The following DNAJA1 variants were observed in gnomAD, a reference collection of about 807,000 sequenced individuals.
The protein encoded by DNAJA1 is dnaJ homolog subfamily A member 1.
In DNAJA1, 26 loss-of-function variants were observed where a neutral mutation model predicts 47.6. The observed-to-expected ratio is 0.55, with a 90% CI of 0.40 to 0.76. DNAJA1 has a LOEUF of 0.76. Among genes scored for constraint, DNAJA1 ranks in the 30% least tolerant of loss-of-function variants. The probability of loss-of-function intolerance (pLI) is 0.00; values close to 1 mark genes in which losing one functional copy is unlikely to be tolerated. For synonymous variants in DNAJA1, 165 were observed against 158.4 expected, an observed-to-expected ratio of 1.04 and a Z score of -0.31; for missense variants, 315 against 485.0, an observed-to-expected ratio of 0.65 and a Z score of 3.29.
rs1839078092 is a variant in DNAJA1 at position 33,039,003 on chromosome 9, T to C, written c.*100T>C. ...TGCTCACTACTTGCTCTTGTTTTTGTTTTAATAAACTATAGTAGTGTTTTA... is the reference window on the plus strand; with the variant it reads ...TGCTCACTACTTGCTCTTGTTTTTGCTTTAATAAACTATAGTAGTGTTTTA... On this transcript the variant is annotated 3_prime_UTR_variant, in exon 9 of 9. Coordinates refer to ENST00000330899, the MANE Select transcript of DNAJA1 (RefSeq NM_001539.4). 1 of 1,181,214 alleles carries C rather than the reference T, an allele frequency of 8.5e-7. No individual in the cohort carries two copies. Among genetic ancestry groups the C allele is most frequent in the Non-Finnish European group, 1.2e-6 (1 of 836,190 alleles). The allele number at this position is 1,181,214 out of a possible 1,614,324, so 73.2% of individuals were successfully genotyped here.
chr9:33,037,985 A>AT (rs1391788711), intron 8 of DNAJA1, among the ~76,000 whole-genome samples: 1 of 149,846 alleles, frequency 6.7e-6, no homozygotes, highest in Non-Finnish European at 1.5e-5. Context: ...CACCATAAAA[A>AT]TATTAATTAA....
chr9:33,027,723 A>G (rs12351356), intron 3 of DNAJA1, among the ~76,000 whole-genome samples: 151,781 of 152,044 alleles, frequency 1, 75,759 homozygotes, highest in Middle Eastern at 1. Context: ...GGTGGTGGGC[A>G]TCTGCAATCC....
At chr9:33,030,010 G>A in intron 4 of DNAJA1, 21 bp downstream of exon 4, 1 of 1,600,104 alleles carries the variant, frequency 6.2e-7, no homozygotes, top group Non-Finnish European at 8.5e-7. Flanking sequence ...TTTTTGTTTT[G>A]TTTTGTTTTG....
At chr9:33,025,835 C>T (rs1838821488) in intron 1 of DNAJA1, among the ~76,000 whole-genome samples, 2 of 152,148 alleles carry the variant, frequency 1.3e-5, no homozygotes, top group East Asian at 1.9e-4. Flanking sequence ...TTGTTGAGGG[C>T]TGGGCTTTCC....
chr9:33,032,599 TA>T (rs1403861361), intron 5 of DNAJA1, among the ~76,000 whole-genome samples: 6 of 152,226 alleles, frequency 3.9e-5, no homozygotes, highest in Non-Finnish European at 8.8e-5. Flanking sequence ...ATGCCCTAAC[TA>T]TATAGCAAGT....
intron 8 of DNAJA1, 121 bp from the exon 9 acceptor site, chr9:33,038,564 G>A (rs1839069249): frequency 2.3e-6 from 2 of 856,456 alleles, no homozygotes; most frequent in Non-Finnish European, 1.8e-6. Flanking sequence ...TCTAACCTGA[G>A]ATTGGCAGAT....
At chr9:33,028,126 A>G (rs1487761402) in intron 3 of DNAJA1, among the ~76,000 whole-genome samples, 1 of 151,946 alleles carries the variant, frequency 6.6e-6, no homozygotes, top group Non-Finnish European at 1.5e-5. Context: ...TCCCCAAAGG[A>G]ATTTGATGGT....
rs752415921 is a variant in DNAJA1, at chr9:33,026,558, C to T, written c.74C>T (p.Ala25Val). ...PNATQEELKKAYRKLALKYHP... is the reference protein window; with the variant it reads ...PNATQEELKKVYRKLALKYHP... ...GCTACTCAGGAAGAATTGAAAAAGG[C>T]TTATAGGAAACTGGCTTTGAAGTAC... is the stretch of plus-strand genomic sequence containing the variant. Residue 25 changes from alanine (A) to valine (V), a missense_variant, in exon 2 of 9, where the codon GCT becomes GTT. This residue lies in a region of DNAJA1 where 100 missense variants were observed against 163.0 expected (regional missense o/e 0.61). Transcript: ENST00000330899. The T allele has an allele frequency of 6.2e-7, 1 of 1,611,756 alleles. No homozygotes were observed. The highest frequency in any genetic ancestry group is 1.7e-5 in the Admixed American group (1 of 59,412).
intron 7 of DNAJA1, 57 bp from the exon 8 acceptor site, chr9:33,036,958 C>A: frequency 6.8e-7 from 1 of 1,472,388 alleles, no homozygotes; most frequent in Non-Finnish European, 9.4e-7. Context: ...CTTTATATTC[C>A]CTGCCTCATA....
chr9:33,038,780 G>C lies in DNAJA1; in HGVS notation c.1071G>C (p.Glu357Asp), dbSNP rs776490065. The part of the protein sequence containing the change: ...PERKEVEETD[E>D]MDQVELVDFD... Reference sequence around the variant, plus strand: ...GGAAGGAAGTGGAAGAGACTGATGAGATGGACCAAGTAGAACTGGTGGACT... The same window carrying C: ...GGAAGGAAGTGGAAGAGACTGATGACATGGACCAAGTAGAACTGGTGGACT... The change falls in exon 9 of 9, where the codon GAG becomes GAC. Residue 357 changes from glutamate (E) to aspartate (D), a missense_variant. Glu to Asp is a conservative substitution (Grantham distance 45, BLOSUM62 2). Transcript: ENST00000330899. The C allele has an allele frequency of 2.5e-6, 4 of 1,614,122 alleles. No homozygotes were observed. Among genetic ancestry groups the C allele is most frequent in the Non-Finnish European group, 3.4e-6 (4 of 1,180,004 alleles).
intron 3 of DNAJA1, 130 bp downstream of exon 3, chr9:33,027,120 C>T: frequency 1.8e-6 from 2 of 1,113,628 alleles, no homozygotes; most frequent in South Asian, 1.5e-5. Context: ...CACAAATTGC[C>T]TCTGATTTAT....
At chr9:33,027,650 G>A (rs1310490480) in intron 3 of DNAJA1, among the ~76,000 whole-genome samples, 2 of 151,852 alleles carry the variant, frequency 1.3e-5, no homozygotes, top group South Asian at 2.1e-4. Flanking sequence ...GTCAGGGTTC[G>A]AGACCAGCCT....
At chr9:33,028,214 CA>C (rs1438852125) in intron 3 of DNAJA1, among the ~76,000 whole-genome samples, 1 of 152,026 alleles carries the variant, frequency 6.6e-6, no homozygotes, top group African/African-American at 2.4e-5. Context: ...TATAGCAAGC[CA>C]ACAGAGCCAG....
chr9:33,038,764 T>G lies in DNAJA1; in HGVS notation c.1055T>G (p.Val352Gly). The G allele has an allele frequency of 6.2e-7, 1 of 1,613,958 alleles. No individual in the cohort carries two copies. Among genetic ancestry groups the G allele is most frequent in the Middle Eastern group, 1.6e-4 (1 of 6,062 alleles). ...AAACTCCTACCCGAGAGGAAGGAAGTGGAAGAGACTGATGAGATGGACCAA... is the reference window on the plus strand; with the variant it reads ...AAACTCCTACCCGAGAGGAAGGAAGGGGAAGAGACTGATGAGATGGACCAA... Reference protein sequence around the residue: ...LEKLLPERKEVEETDEMDQVE... With the variant: ...LEKLLPERKEGEETDEMDQVE... The change falls in exon 9 of 9, where the codon GTG (valine) becomes GGG (glycine). Residue 352 changes from valine (V) to glycine (G), a missense_variant. Val to Gly is a moderately radical substitution (Grantham distance 109). This residue lies in a region of DNAJA1 where 162 missense variants were observed against 185.4 expected (regional missense o/e 0.87). Transcript: ENST00000330899.
intron 5 of DNAJA1, among the ~76,000 whole-genome samples, chr9:33,033,545 A>G (rs1438567285): frequency 6.6e-6 from 1 of 151,992 alleles, no homozygotes; most frequent in African/African-American, 2.4e-5. Flanking sequence ...AAAAAAAAAA[A>G]AATTCAAAAA....
rs1838909360 is a variant in DNAJA1, at chr9:33,028,472, T to G, written c.311-1413T>G. On this transcript the variant is annotated intron_variant, in intron 3 of 8. Coordinates refer to ENST00000330899, the MANE Select transcript of DNAJA1 (RefSeq NM_001539.4). ...AAGCCATTAAATTTCACTTTGAGCT[T>G]CTTAAGGTTCAGAAAGATTTGGGAA... Among the ~76,000 whole-genome samples the G allele has an allele frequency of 3.9e-5, 6 of 152,356 alleles. 1 individual carries two copies. In the South Asian group the frequency reaches 1.2e-3, roughly 32 times the overall value.
At chr9:33,026,005 G>T (rs1054500550) in intron 1 of DNAJA1, among the ~76,000 whole-genome samples, 6 of 152,190 alleles carry the variant, frequency 3.9e-5, no homozygotes, top group Admixed American at 1.3e-4. Flanking sequence ...CTTGCTGTGT[G>T]GAGCCAGTAA....
rs773775893 is a variant in DNAJA1 at position 33,038,958 on chromosome 9, G to C, written c.*55G>C. ...ATTTAATGTGCAGTAGTGAATGAGTGAAGGACTGTAATCATAATATGCTCA... is the reference window on the plus strand; with the variant it reads ...ATTTAATGTGCAGTAGTGAATGAGTCAAGGACTGTAATCATAATATGCTCA... On this transcript the variant is annotated 3_prime_UTR_variant, in exon 9 of 9. Transcript: ENST00000330899. The C allele has an allele frequency of 6.9e-7, 1 of 1,451,840 alleles. No homozygotes were observed. Among genetic ancestry groups the C allele is most frequent in the Non-Finnish European group, 9.5e-7 (1 of 1,055,206 alleles). 89.9% of individuals were successfully genotyped at this position (1,451,840 alleles called of 1,614,324 possible).
In DNAJA1 at chr9:33,038,945, G is replaced by T; in HGVS notation, c.*42G>T. 1.3e-6 allele frequency: 2 copies of T among 1,531,104 alleles called. No homozygotes were observed. The highest frequency in any genetic ancestry group is 1.8e-6 in the Non-Finnish European group (2 of 1,120,048). The allele number at this position is 1,531,104 out of a possible 1,614,324, so 94.8% of individuals were successfully genotyped here. ...ACTCACTGCTGGCATTTAATGTGCA[G>T]TAGTGAATGAGTGAAGGACTGTAAT... On this transcript the variant is annotated 3_prime_UTR_variant, in exon 9 of 9. Transcript: ENST00000330899.
Sources: allele counts gnomAD v4.1 joint callset (sites outside exome capture counted in the v4.1 genomes callset), GRCh38; gene constraint gnomAD v4.1.1; regional missense constraint gnomAD v4.1.1; transcripts MANE v1.5; gene names NCBI Gene and HGNC (gene_info 2026-07-23, HGNC 2026-07-21).